Variants in NKTR observed in about 807,000 individuals in gnomAD.
NKTR encodes the protein NK-tumor recognition protein.
NKTR carries 67 observed loss-of-function variants against 156.3 expected under a neutral mutation model. That is an observed-to-expected ratio of 0.43 (90% confidence interval 0.35 to 0.53). The LOEUF (loss-of-function observed/expected upper bound fraction) is 0.53, where lower values mean the gene tolerates loss of function less well. Ranked by LOEUF, NKTR falls within the 20% of genes least tolerant of loss-of-function variation. The pLI, the probability that NKTR is intolerant of heterozygous loss-of-function variation, is 0.01. For synonymous variants in NKTR, 640 were observed against 596.6 expected (o/e 1.07, Z -1.06); for missense variants, 1,604 against 1,730.9 (o/e 0.93, Z 1.30).
chr3:42,603,360 TAAAAA>T (rs376932471), intron 2 of NKTR, among the ~76,000 whole-genome samples: 1 of 92,744 alleles, frequency 1.1e-5, no homozygotes, highest in Non-Finnish European at 2.4e-5. Context: ...ATCTTGTTTC[TAAAAA>T]AAAAAAAAAA....
chr3:42,639,328 C>G lies in NKTR; in HGVS notation c.3624C>G (p.Thr1208=), dbSNP rs759562919. The G allele has an allele frequency of 6.2e-7, 1 of 1,613,846 alleles. No individual in the cohort carries two copies. The highest frequency in any genetic ancestry group is 1.3e-5 in the African/African-American group (1 of 74,860). ...GCTTGGCTAGTGCTGGAGAAAGTAC[C>G]GGGAAGAAGGAGGTGGCTGAGAAGA... The part of the protein sequence containing the change: ...SASLASAGES[T]GKKEVAEKSQ... The change falls in exon 13 of 17, where the codon ACC becomes ACG. Residue 1208 remains threonine, a synonymous_variant. Coordinates refer to ENST00000232978, the MANE Select transcript of NKTR (RefSeq NM_005385.4).
At chr3:42,635,057 TAAAAAAAAA>T in intron 11 of NKTR, 155 bp from the exon 12 acceptor site, 2 of 285,030 alleles carry the variant, frequency 7.0e-6, no homozygotes, top group Non-Finnish European at 6.4e-6. Flanking sequence ...AGTTAAAAAC[TAAAAAAAAA>T]AAAAAAAAAA....
chr3:42,638,509 G>T lies in NKTR; in HGVS notation c.2805G>T (p.Ser935=), dbSNP rs368099238. 4 of 1,611,362 alleles carry T rather than the reference G, an allele frequency of 2.5e-6. No individual in the cohort carries two copies. The highest frequency in any genetic ancestry group is 3.4e-6 in the Non-Finnish European group (4 of 1,179,276). Residue 935 remains serine, a synonymous_variant, in exon 13 of 17, where the codon TCG becomes TCT. Transcript: ENST00000232978. ...TCAAAGTCAAACCCACAACCAAGTC[G>T]TCCACAAATACTTCACTGCCTGATG... ...IHIKVKPTTK[S]STNTSLPDDN...
intron 6 of NKTR, chr3:42,629,892 A>G (rs1040495616): frequency 6.8e-5 from 67 of 985,328 alleles, no homozygotes; most frequent in Non-Finnish European, 8.1e-5. Context: ...AAATGTCTGC[A>G]ATGTTATCCA....
intron 5 of NKTR, 59 bp downstream of exon 5, chr3:42,619,767 CAT>C (rs1316622920): frequency 5.0e-6 from 8 of 1,594,488 alleles, no homozygotes; most frequent in African/African-American, 1.4e-5. Context: ...CAAGTTTGAT[CAT>C]ATACTTTTAA....
chr3:42,642,688 A>G (rs1258752234), intron 14 of NKTR, 92 bp downstream of exon 14: 1 of 873,368 alleles, frequency 1.1e-6, no homozygotes, highest in African/African-American at 1.7e-5. Context: ...GAGAAGAATC[A>G]TGTCATTACT....
chr3:42,603,976 A>T lies in NKTR; in HGVS notation c.58+2912A>T, dbSNP rs140082293. Among the ~76,000 whole-genome samples the T allele has an allele frequency of 7.7e-3, 1,174 of 152,140 alleles. 22 individuals are homozygous for T. Among genetic ancestry groups the T allele is most frequent in the African/African-American group, 0.027 (1,121 of 41,490 alleles). ...TGGTCTGAACTCCTGACCTCAAGTG[A>T]TCCGCCCACCTCGGCCTCCGAAAGT... On this transcript the variant is annotated intron_variant, in intron 2 of 16. Transcript: ENST00000232978.
In NKTR at chr3:42,647,267, A is replaced by AGTGTGTGGGT. The variant is rs1710399534; in HGVS notation, c.*1299_*1300insGGTGTGTGTG. On this transcript the variant is annotated 3_prime_UTR_variant, in exon 17 of 17. Transcript: ENST00000232978. ...AAAAATAATTGGACCTGTAAAAACT[A>AGTGTGTGGGT]GTGTGTGTGTGTGTGTGTGTGTGTG... The AGTGTGTGGGT allele has an allele frequency of 9.7e-6, 1 of 102,974 alleles. No individual in the cohort carries two copies. The highest frequency in any genetic ancestry group is 4.2e-5 in the African/African-American group (1 of 23,684). The allele number at this position is 102,974 out of a possible 1,614,324, so 6.4% of individuals were successfully genotyped here. A position where few individuals can be genotyped will look rare whatever the true frequency, so the allele number is the denominator to read the frequency against.
At chr3:42,621,681 G>A (rs895276914) in intron 6 of NKTR, among the ~76,000 whole-genome samples, 165 bp downstream of exon 6, 8 of 151,798 alleles carry the variant, frequency 5.3e-5, no homozygotes, top group African/African-American at 1.9e-4. Flanking sequence ...AACTGCCTCA[G>A]CATTCAGCAT....
rs1392957278 is a variant in NKTR at position 42,637,863 on chromosome 3, G to A, written c.2159G>A (p.Arg720Lys). ...RSLASSHSRS[R>K]SPSSRSHSRN... is the part of the protein sequence containing the mutation. ...CTAGCTAGTTCACATTCAAGGTCTAGGTCTCCATCATCTAGATCTCATTCA... is the reference window on the plus strand; with the variant it reads ...CTAGCTAGTTCACATTCAAGGTCTAAGTCTCCATCATCTAGATCTCATTCA... Residue 720 changes from arginine (R) to lysine (K), a missense_variant, in exon 13 of 17, where the codon AGG becomes AAG. By Grantham distance (26) the Arg-to-Lys change is conservative. Transcript: ENST00000232978. The A allele has an allele frequency of 1.2e-6, 2 of 1,613,960 alleles. No homozygotes were observed. The highest frequency in any genetic ancestry group is 1.7e-6 in the Non-Finnish European group (2 of 1,179,948).
At chr3:42,635,920 A>AT (rs1401547973) in intron 12 of NKTR, among the ~76,000 whole-genome samples, 5 of 152,164 alleles carry the variant, frequency 3.3e-5, no homozygotes, top group Admixed American at 6.5e-5. Flanking sequence ...AAAAAAAAAA[A>AT]AATAATTAGG....
intron 6 of NKTR, chr3:42,629,947 C>G: frequency 1.0e-6 from 1 of 985,430 alleles, no homozygotes; most frequent in Non-Finnish European, 1.2e-6. Context: ...TGAAGCTTTT[C>G]TCCCTATCGC....
intron 6 of NKTR, chr3:42,629,014 CAAATAA>C (rs1043869161): frequency 3.8e-6 from 3 of 788,148 alleles, no homozygotes; most frequent in Non-Finnish European, 4.6e-6. Flanking sequence ...AATAAACAAA[CAAATAA>C]AAATAAAAGC....
At chr3:42,617,686 GT>G in intron 3 of NKTR, 42 bp downstream of exon 3, 1 of 1,041,468 alleles carries the variant, frequency 9.6e-7, no homozygotes. Flanking sequence ...GTGGCTTACA[GT>G]TTTACCTTGC....
At chr3:42,641,874 C>T (rs1030976804) in intron 13 of NKTR, among the ~76,000 whole-genome samples, 1 of 110,406 alleles carries the variant, frequency 9.1e-6, no homozygotes, top group Non-Finnish European at 1.9e-5. Flanking sequence ...CAAGACTCCT[C>T]AAAAAAAAAA....
intron 16 of NKTR, among the ~76,000 whole-genome samples, chr3:42,645,386 A>G (rs1052561070): frequency 3.9e-5 from 6 of 152,152 alleles, no homozygotes; most frequent in Admixed American, 1.3e-4. Context: ...AAACAGCTTC[A>G]AAAAGTCCAT....
intron 2 of NKTR, among the ~76,000 whole-genome samples, chr3:42,609,208 A>G (rs115002977): frequency 0.022 from 3,352 of 151,506 alleles, 47 homozygotes; most frequent in Non-Finnish European, 0.036. Context: ...TACAAGTTTT[A>G]GGAGCACTGT....
intron 6 of NKTR, chr3:42,628,176 T>G: frequency 1.0e-6 from 1 of 985,336 alleles, no homozygotes. Flanking sequence ...TGCAGACTTA[T>G]ATTTCTGTAT....
chr3:42,611,492 G>T (rs1253551357), intron 2 of NKTR, among the ~76,000 whole-genome samples: 3 of 152,080 alleles, frequency 2.0e-5, no homozygotes, highest in African/African-American at 7.2e-5. Context: ...CCAGCACTCT[G>T]GGAGGTCGAG....
Sources: allele counts gnomAD v4.1 joint callset (sites outside exome capture counted in the v4.1 genomes callset), GRCh38; gene constraint gnomAD v4.1.1; transcripts MANE v1.5; gene names NCBI Gene and HGNC (gene_info 2026-07-23, HGNC 2026-07-21).